RALYL: variants seen among roughly 807,000 people sequenced by gnomAD.
The protein encoded by RALYL is RALY RNA binding protein like, also known as RNA-binding Raly-like protein.
RALYL carries 29 observed loss-of-function variants against 35.1 expected under a neutral mutation model. That is an observed-to-expected ratio of 0.83 (90% confidence interval 0.61 to 1.13). The LOEUF (loss-of-function observed/expected upper bound fraction) is 1.13, where lower values mean the gene tolerates loss of function less well. Ranked by LOEUF, RALYL falls within the 50% of genes most tolerant of loss-of-function variation. The probability of loss-of-function intolerance (pLI) is 0.00; values close to 1 mark genes in which losing one functional copy is unlikely to be tolerated. For missense variants in RALYL, 359 were observed against 360.4 expected (o/e 1.00, Z 0.03); for synonymous variants, 120 against 127.6 (o/e 0.94, Z 0.40).
At chr8:84,589,530 C>G in intron 2 of RALYL, among the ~76,000 whole-genome samples, 1 of 152,096 alleles carries the variant, frequency 6.6e-6, no homozygotes, top group East Asian at 1.9e-4. Context: ...TATGAAATAG[C>G]TTATGAAATA....
intron 8 of RALYL, among the ~76,000 whole-genome samples, chr8:84,888,728 C>T (rs915666227): frequency 2.0e-5 from 3 of 151,876 alleles, no homozygotes; most frequent in African/African-American, 7.3e-5. Flanking sequence ...TTTATGGCAC[C>T]TTTATTATTT....
intron 4 of RALYL, among the ~76,000 whole-genome samples, chr8:84,838,505 C>T (rs150325208): frequency 2.3e-4 from 35 of 152,220 alleles, no homozygotes; most frequent in African/African-American, 8.2e-4. Flanking sequence ...TGCTAAAAGC[C>T]CAAACCATTA....
chr8:84,683,870 G>T (rs1335868349), intron 2 of RALYL, among the ~76,000 whole-genome samples: 1 of 152,088 alleles, frequency 6.6e-6, no homozygotes, highest in Non-Finnish European at 1.5e-5. Context: ...ATATTAAGTA[G>T]AGACCAAGTT....
chr8:84,461,032 A>C (rs964128543), intron 1 of RALYL, among the ~76,000 whole-genome samples: 1 of 151,638 alleles, frequency 6.6e-6, no homozygotes, highest in Non-Finnish European at 1.5e-5. Flanking sequence ...AGCAATTTTT[A>C]TTCTTTGCAT....
intron 2 of RALYL, among the ~76,000 whole-genome samples, chr8:84,581,630 G>T (rs533304474): frequency 6.6e-6 from 1 of 152,236 alleles, no homozygotes; most frequent in East Asian, 1.9e-4. Context: ...TCCATGACTT[G>T]TCATGTGTTT....
At chr8:84,910,760 C>T (rs1480668950) in intron 8 of RALYL, among the ~76,000 whole-genome samples, 1 of 151,676 alleles carries the variant, frequency 6.6e-6, no homozygotes, top group African/African-American at 2.4e-5. Flanking sequence ...AAAATATCAT[C>T]TGTTTTTTTA....
At chr8:84,303,700 A>G (rs910713358) in intron 1 of RALYL, among the ~76,000 whole-genome samples, 1 of 152,194 alleles carries the variant, frequency 6.6e-6, no homozygotes, top group Non-Finnish European at 1.5e-5. Flanking sequence ...ACTGTAGGTA[A>G]AACTGGTATA....
At chr8:84,638,381 A>C (rs1288497918) in intron 2 of RALYL, among the ~76,000 whole-genome samples, 1 of 151,970 alleles carries the variant, frequency 6.6e-6, no homozygotes, top group African/African-American at 2.4e-5. Flanking sequence ...TGGACAATCT[A>C]AGCTCACACC....
At chr8:84,865,630 A>G (rs1259744666) in intron 6 of RALYL, among the ~76,000 whole-genome samples, 1 of 152,206 alleles carries the variant, frequency 6.6e-6, no homozygotes, top group East Asian at 1.9e-4. Flanking sequence ...AAAATGTGAC[A>G]TTGCAGATTA....
At chr8:84,809,027 G>C (rs1277253793) in intron 4 of RALYL, among the ~76,000 whole-genome samples, 1 of 152,086 alleles carries the variant, frequency 6.6e-6, no homozygotes, top group East Asian at 1.9e-4. Context: ...CTCTGGCTAG[G>C]ACTTCCAGTG....
intron 1 of RALYL, among the ~76,000 whole-genome samples, chr8:84,291,780 T>G (rs1223855095): frequency 6.6e-6 from 1 of 151,814 alleles, no homozygotes; most frequent in Non-Finnish European, 1.5e-5. Flanking sequence ...TGGCATTACG[T>G]TCATGCAGAG....
In RALYL at chr8:84,638,871, AATATATATAT is replaced by A. The variant is rs71273908; in HGVS notation, c.256+109335_256+109344del. Among the ~76,000 whole-genome samples, 449 of 86,178 alleles carry A rather than the reference AATATATATAT, an allele frequency of 5.2e-3. 5 individuals are homozygous for A. The highest frequency in any genetic ancestry group is 0.027 in the African/African-American group (360 of 13,162). The allele number at this position is 86,178 out of a possible 152,430, so 56.5% of individuals were successfully genotyped here. ...AATACGAGTATCTAATGCACGCATA[AATATATATAT>A]ATATATATATATATATATATATATA... On this transcript the variant is annotated intron_variant, in intron 2 of 8. Coordinates refer to ENST00000521268, the MANE Select transcript of RALYL (RefSeq NM_173848.7).
At chr8:84,375,404 A>C (rs61687950) in intron 1 of RALYL, among the ~76,000 whole-genome samples, 7,305 of 151,776 alleles carry the variant, frequency 0.048, 384 homozygotes, top group African/African-American at 0.13. Context: ...ACTTACCATA[A>C]TTTTTGCTTT....
chr8:84,330,836 A>G (rs1586346057), intron 1 of RALYL, among the ~76,000 whole-genome samples: 1 of 152,124 alleles, frequency 6.6e-6, no homozygotes, highest in Non-Finnish European at 1.5e-5. Flanking sequence ...TTAGAAATGT[A>G]TTAAAAAGAA....
intron 1 of RALYL, among the ~76,000 whole-genome samples, chr8:84,243,354 A>G (rs953774454): frequency 1.3e-5 from 2 of 152,130 alleles, no homozygotes; most frequent in Non-Finnish European, 2.9e-5. Flanking sequence ...AGTTTTTTCT[A>G]ATTCTGTGAA....
At chr8:84,219,337 G>A (rs1586276364) in intron 1 of RALYL, among the ~76,000 whole-genome samples, 2 of 151,962 alleles carry the variant, frequency 1.3e-5, no homozygotes, top group African/African-American at 2.4e-5. Flanking sequence ...TTGTGAAGGT[G>A]CCTTGCTTCC....
At chr8:84,200,567 T>A (rs1816606891) in intron 1 of RALYL, among the ~76,000 whole-genome samples, 1 of 152,176 alleles carries the variant, frequency 6.6e-6, no homozygotes, top group African/African-American at 2.4e-5. Context: ...CTTAAAATAA[T>A]TTTAACTGTT....
intron 2 of RALYL, among the ~76,000 whole-genome samples, chr8:84,770,665 CAGTGTAGA>C (rs751341910): frequency 6.6e-6 from 1 of 152,112 alleles, no homozygotes; most frequent in Non-Finnish European, 1.5e-5. Flanking sequence ...ATTCCCCCAC[CAGTGTAGA>C]AGTGTTCCCT....
At chr8:84,654,313 ATC>A (rs1554766078) in intron 2 of RALYL, among the ~76,000 whole-genome samples, 16 of 125,076 alleles carry the variant, frequency 1.3e-4, no homozygotes, top group Non-Finnish European at 2.0e-4. Flanking sequence ...ATATATATAT[ATC>A]ATGTACCACA....
Sources: allele counts gnomAD v4.1 joint callset (sites outside exome capture counted in the v4.1 genomes callset), GRCh38; gene constraint gnomAD v4.1.1; transcripts MANE v1.5; gene names NCBI Gene and HGNC (gene_info 2026-07-23, HGNC 2026-07-21).